RBFOX2: variants seen among roughly 807,000 people sequenced by gnomAD.
The protein encoded by RBFOX2 is RNA binding fox-1 homolog 2, also known as RNA binding protein fox-1 homolog 2.
A neutral mutation model predicts 49.1 loss-of-function variants in RBFOX2; 10 were observed. That is an observed-to-expected ratio of 0.20 (90% CI 0.13 to 0.35). The LOEUF is 0.35. RBFOX2 is among the 10% of genes least tolerant of loss of function. The pLI is 1.00. For missense variants in RBFOX2, 323 were observed against 486.9 expected (o/e 0.66, Z 3.17); for synonymous variants, 183 against 187.4 (o/e 0.98, Z 0.19).
At chr22:35,853,821 T>A (rs1318707677) in intron 1 of RBFOX2, among the ~76,000 whole-genome samples, 1 of 152,164 alleles carries the variant, frequency 6.6e-6, no homozygotes, top group East Asian at 1.9e-4. Context: ...TAGCATTAAC[T>A]GCTCCTATAA....
intron 1 of RBFOX2, among the ~76,000 whole-genome samples, chr22:36,016,890 G>A (rs1030195171): frequency 6.6e-6 from 1 of 152,170 alleles, no homozygotes; most frequent in East Asian, 1.9e-4. Context: ...ATTACAGGCT[G>A]CTCTCTCTCA....
At chr22:35,813,640 C>T (rs555571712) in intron 1 of RBFOX2, among the ~76,000 whole-genome samples, 7 of 152,118 alleles carry the variant, frequency 4.6e-5, no homozygotes, top group South Asian at 2.1e-4. Flanking sequence ...ACTTAGCAAA[C>T]GTAAATATGT....
At chr22:35,838,505 T>G (rs1603379536) in intron 1 of RBFOX2, among the ~76,000 whole-genome samples, 1 of 152,248 alleles carries the variant, frequency 6.6e-6, no homozygotes, top group East Asian at 1.9e-4. Context: ...GTCCCACAAC[T>G]TGTACCAGCA....
Position 35,755,799 on chromosome 22 carries a change from A to C in RBFOX2, c.887+4089T>G, listed in dbSNP as rs934587231. On this transcript the variant is annotated intron_variant, in intron 9 of 11. Transcript: ENST00000405409. Reference sequence around the variant, plus strand: ...AAACCTGCTGATCATCTCACAAGTAAATTAATGATCCACAGAACATCTGTG... The same window carrying C: ...AAACCTGCTGATCATCTCACAAGTACATTAATGATCCACAGAACATCTGTG... Among the ~76,000 whole-genome samples the C allele has an allele frequency of 2.0e-5, 3 of 152,228 alleles. No homozygotes were observed. In the East Asian group the frequency reaches 5.8e-4, roughly 29 times the overall value.
chr22:35,948,682 C>CA (rs1301228330), intron 1 of RBFOX2, among the ~76,000 whole-genome samples: 4 of 151,204 alleles, frequency 2.6e-5, no homozygotes, highest in Non-Finnish European at 5.9e-5. Context: ...GAGACTGTCT[C>CA]AAAAAAAAAT....
intron 1 of RBFOX2, chr22:35,898,419 C>A: frequency 3.6e-6 from 1 of 277,852 alleles, no homozygotes; most frequent in Non-Finnish European, 6.7e-6. Flanking sequence ...TCCCACAATC[C>A]TTTTTTTTTT....
At chr22:35,844,202 T>C (rs1465973593), upstream of RBFOX2, among the ~76,000 whole-genome samples, 7 of 152,210 alleles carry the variant, frequency 4.6e-5, no homozygotes, top group Admixed American at 4.6e-4. Context: ...TAATCCATGG[T>C]ACATAACGGT....
chr22:36,005,983 T>C (rs1375570456), intron 1 of RBFOX2, among the ~76,000 whole-genome samples: 1 of 152,224 alleles, frequency 6.6e-6, no homozygotes, highest in East Asian at 1.9e-4. Context: ...TAGTTCAAGC[T>C]TTCCAGAATA....
intron 1 of RBFOX2, among the ~76,000 whole-genome samples, chr22:35,952,917 T>G (rs558208320): frequency 6.6e-6 from 1 of 152,056 alleles, no homozygotes; most frequent in Non-Finnish European, 1.5e-5. Flanking sequence ...CTACTCACAA[T>G]AGCCAAAGGA....
At chr22:35,913,665 A>G (rs1293139449) in intron 1 of RBFOX2, among the ~76,000 whole-genome samples, 5 of 151,850 alleles carry the variant, frequency 3.3e-5, no homozygotes, top group Non-Finnish European at 7.4e-5. Context: ...ATAGATATAG[A>G]TATCATAGAA....
At chr22:36,006,178 AT>A (rs2058611656) in intron 1 of RBFOX2, among the ~76,000 whole-genome samples, 1 of 152,270 alleles carries the variant, frequency 6.6e-6, no homozygotes, top group African/African-American at 2.4e-5. Context: ...GTTGATAAAA[AT>A]TTTTGAAAGC....
chr22:35,842,694 CA>C (rs1284035941), upstream of RBFOX2, among the ~76,000 whole-genome samples: 1 of 152,106 alleles, frequency 6.6e-6, no homozygotes. Flanking sequence ...ATCTCCCCCA[CA>C]ATGTCCCCCG....
intron 2 of RBFOX2, among the ~76,000 whole-genome samples, chr22:35,787,700 T>G (rs538489307): frequency 6.6e-6 from 1 of 152,356 alleles, no homozygotes; most frequent in South Asian, 2.1e-4. Flanking sequence ...TTAAAATTGA[T>G]CTAAGAAAAA....
chr22:35,930,002 G>T (rs1335265713), intron 1 of RBFOX2, among the ~76,000 whole-genome samples: 4 of 149,988 alleles, frequency 2.7e-5, no homozygotes, highest in African/African-American at 7.4e-5. Context: ...GTATAGAAAT[G>T]ACATCTTAAT....
chr22:35,889,268 G>A (rs1337824388), intron 1 of RBFOX2, among the ~76,000 whole-genome samples: 3 of 152,076 alleles, frequency 2.0e-5, no homozygotes, highest in Non-Finnish European at 4.4e-5. Flanking sequence ...AGACCCGCTC[G>A]GGGCATGCAG....
chr22:35,799,235 T>TTTA (rs1491226631), intron 2 of RBFOX2, among the ~76,000 whole-genome samples: 3 of 152,194 alleles, frequency 2.0e-5, no homozygotes, highest in African/African-American at 7.2e-5. Flanking sequence ...TCTTTGGTTA[T>TTTA]TTATACCCAC....
At chr22:36,020,396 A>G (rs1248311774) in intron 1 of RBFOX2, among the ~76,000 whole-genome samples, 2 of 152,234 alleles carry the variant, frequency 1.3e-5, no homozygotes, top group African/African-American at 4.8e-5. Context: ...AAATTGACAA[A>G]TGGGATCTAA....
At chr22:35,827,829 G>A (rs930240129) in intron 1 of RBFOX2, among the ~76,000 whole-genome samples, 10 of 152,102 alleles carry the variant, frequency 6.6e-5, no homozygotes, top group African/African-American at 2.4e-4. Context: ...TCATTTAAAA[G>A]TATGTGTTCA....
intron 9 of RBFOX2, among the ~76,000 whole-genome samples, chr22:35,752,098 C>A (rs926371745): frequency 6.6e-6 from 1 of 152,286 alleles, no homozygotes; most frequent in Admixed American, 6.5e-5. Flanking sequence ...ATGTTTGAGT[C>A]CCATATGTCT....
Sources: allele counts gnomAD v4.1 joint callset (sites outside exome capture counted in the v4.1 genomes callset), GRCh38; gene constraint gnomAD v4.1.1; transcripts MANE v1.5; gene names NCBI Gene and HGNC (gene_info 2026-07-23, HGNC 2026-07-21).